GPHN: variants seen among roughly 807,000 people sequenced by gnomAD.
GPHN encodes the protein gephyrin.
GPHN carries 17 observed loss-of-function variants against 95.5 expected under a neutral mutation model. That is an observed-to-expected ratio of 0.18 (90% CI 0.12 to 0.27). GPHN has a LOEUF of 0.27. Among genes scored for constraint, GPHN ranks in the 10% least tolerant of loss-of-function variants. The probability of loss-of-function intolerance (pLI) is 1.00; values close to 1 mark genes in which losing one functional copy is unlikely to be tolerated. For missense variants in GPHN, 660 were observed against 978.1 expected (o/e 0.67, Z 4.34); for synonymous variants, 320 against 322.5 (o/e 0.99, Z 0.08).
intron 1 of GPHN, among the ~76,000 whole-genome samples, chr14:66,591,855 C>T (rs927399203): frequency 6.6e-6 from 1 of 152,158 alleles, no homozygotes; most frequent in Non-Finnish European, 1.5e-5. Context: ...CAAGACAATC[C>T]TAAGCAAAAA....
intron 12 of GPHN, among the ~76,000 whole-genome samples, chr14:67,096,456 A>G (rs1284749531): frequency 6.6e-6 from 1 of 152,124 alleles, no homozygotes; most frequent in Non-Finnish European, 1.5e-5. Context: ...TGTGTGGGGG[A>G]ACAGGAGAAA....
chr14:66,591,684 A>G (rs1276461425), intron 1 of GPHN, among the ~76,000 whole-genome samples: 1 of 152,148 alleles, frequency 6.6e-6, no homozygotes, highest in Admixed American at 6.6e-5. Context: ...AAACATTCCA[A>G]GCTCATGGAT....
the GPHN span, among the ~76,000 whole-genome samples, chr14:67,226,226 C>G: frequency 1.3e-5 from 2 of 152,224 alleles, no homozygotes; most frequent in African/African-American, 4.8e-5. Flanking sequence ...GAATCTTGCT[C>G]TGTCGCCCAG....
chr14:67,239,678 A>G, the GPHN span, among the ~76,000 whole-genome samples: 2 of 152,218 alleles, frequency 1.3e-5, no homozygotes. Context: ...CAATGTGGCG[A>G]AACCCCGTCT....
chr14:66,907,535 G>C (rs118123734), intron 5 of GPHN, among the ~76,000 whole-genome samples: 1,830 of 152,198 alleles, frequency 0.012, 19 homozygotes, highest in Non-Finnish European at 0.018. Flanking sequence ...AAAACTCATA[G>C]AACTTTATCA....
At chr14:66,577,785 C>T (rs1225471358) in intron 1 of GPHN, among the ~76,000 whole-genome samples, 1 of 151,966 alleles carries the variant, frequency 6.6e-6, no homozygotes, top group Non-Finnish European at 1.5e-5. Context: ...TCACTATGGA[C>T]AGAATTGTGA....
At chr14:66,767,336 T>C (rs1375340750) in intron 2 of GPHN, among the ~76,000 whole-genome samples, 2 of 151,648 alleles carry the variant, frequency 1.3e-5, no homozygotes, top group African/African-American at 4.8e-5. Flanking sequence ...TAGCCCTGTA[T>C]ATCTTTCCCT....
At chr14:67,134,526 G>A (rs2079919378) in intron 17 of GPHN, among the ~76,000 whole-genome samples, 1 of 152,144 alleles carries the variant, frequency 6.6e-6, no homozygotes, top group South Asian at 2.1e-4. Flanking sequence ...TACTCCCAAA[G>A]CTACTGTGGA....
chr14:67,642,801 T>TC, the GPHN span, among the ~76,000 whole-genome samples: 1 of 123,198 alleles, frequency 8.1e-6, no homozygotes, highest in Non-Finnish European at 1.7e-5. Flanking sequence ...TTCTTTTTTT[T>TC]TTTTTTTTTT....
chr14:67,113,195 A>C, intron 16 of GPHN, 24 bp downstream of exon 16: 1 of 1,596,272 alleles, frequency 6.3e-7, no homozygotes, highest in South Asian at 1.1e-5. Flanking sequence ...AAATGGAGGG[A>C]GTGGGGAGAG....
intron 11 of GPHN, among the ~76,000 whole-genome samples, chr14:67,086,604 A>T (rs2076897279): frequency 6.8e-6 from 1 of 147,690 alleles, no homozygotes; most frequent in African/African-American, 2.5e-5. Flanking sequence ...GTGAGCCGAG[A>T]TTGCGCCACT....
chr14:67,295,458 C>G, the GPHN span, among the ~76,000 whole-genome samples: 1 of 151,380 alleles, frequency 6.6e-6, no homozygotes, highest in Non-Finnish European at 1.5e-5. Flanking sequence ...CCACTGCATT[C>G]CAGTCTGGGC....
chr14:67,153,314 A>G (rs1487440355), intron 18 of GPHN, among the ~76,000 whole-genome samples: 3 of 152,218 alleles, frequency 2.0e-5, no homozygotes, highest in Non-Finnish European at 2.9e-5. Context: ...TGGGTGGCGT[A>G]AACATTTATT....
intron 1 of GPHN, among the ~76,000 whole-genome samples, chr14:66,525,835 A>G (rs1004068185): frequency 2.0e-5 from 3 of 152,040 alleles, no homozygotes; most frequent in Admixed American, 1.3e-4. Context: ...GTTCTGTTCC[A>G]TCGGTTTATA....
chr14:66,583,228 G>T lies in GPHN; in HGVS notation c.64+74637G>T, dbSNP rs567804248. Among the ~76,000 whole-genome samples, 454 of 152,096 alleles carry T rather than the reference G, an allele frequency of 3.0e-3. 3 individuals are homozygous for T. The highest frequency in any genetic ancestry group is 0.011 in the African/African-American group (436 of 41,512). On this transcript the variant is annotated intron_variant, in intron 1 of 22. Transcript: ENST00000478722. ...ATATTCTTTGCCCACTTTTTGATGTGGTTGTTTGTTTTTTTCTTGTAAATT... is the reference window on the plus strand; with the variant it reads ...ATATTCTTTGCCCACTTTTTGATGTTGTTGTTTGTTTTTTTCTTGTAAATT...
the GPHN span, chr14:67,674,291 C>G: frequency 7.7e-7 from 1 of 1,297,962 alleles, no homozygotes; most frequent in Non-Finnish European, 1.0e-6. Context: ...GACGCGGGCC[C>G]GGGTCTGGGA....
At chr14:67,528,745 T>C in the GPHN span, among the ~76,000 whole-genome samples, 2 of 152,080 alleles carry the variant, frequency 1.3e-5, no homozygotes, top group South Asian at 4.2e-4. Flanking sequence ...GCATTTTGCA[T>C]TGATATGTGT....
chr14:66,957,419 CA>C (rs1349789692), intron 8 of GPHN, among the ~76,000 whole-genome samples: 7 of 151,880 alleles, frequency 4.6e-5, no homozygotes, highest in Admixed American at 1.3e-4. Flanking sequence ...TGGTCTTGAG[CA>C]GCTGACCTCA....
intron 3 of GPHN, among the ~76,000 whole-genome samples, chr14:66,815,607 A>G (rs2060930356): frequency 6.6e-6 from 1 of 152,192 alleles, no homozygotes; most frequent in Non-Finnish European, 1.5e-5. Context: ...CAGACGAGCA[A>G]ATGCTAAGGA....
Sources: allele counts gnomAD v4.1 joint callset (sites outside exome capture counted in the v4.1 genomes callset), GRCh38; gene constraint gnomAD v4.1.1; transcripts MANE v1.5; gene names NCBI Gene and HGNC (gene_info 2026-07-23, HGNC 2026-07-21).